Variants in LRMDA observed in about 807,000 individuals in gnomAD.
LRMDA encodes the protein leucine-rich melanocyte differentiation-associated protein.
LRMDA carries 18 observed loss-of-function variants against 29.8 expected under a neutral mutation model. That is an observed-to-expected ratio of 0.60 (90% CI 0.42 to 0.90). The LOEUF (loss-of-function observed/expected upper bound fraction) is 0.90. LRMDA is among the 40% of genes least tolerant of loss of function. The pLI is 0.00. For synonymous variants in LRMDA, 125 were observed against 109.4 expected (o/e 1.14, Z -0.89); for missense variants, 273 against 273.9 (o/e 1.00, Z 0.02).
chr10:75,501,340 A>G (rs1009284432), intron 2 of LRMDA, among the ~76,000 whole-genome samples: 2 of 152,220 alleles, frequency 1.3e-5, no homozygotes, highest in African/African-American at 4.8e-5. Flanking sequence ...ACTCTTATAA[A>G]ATGTGTTCCC....
chr10:75,876,966 C>T (rs1378136618), intron 2 of LRMDA, among the ~76,000 whole-genome samples: 1 of 152,164 alleles, frequency 6.6e-6, no homozygotes, highest in African/African-American at 2.4e-5. Context: ...TAACAAGTTC[C>T]TACAGAGCTG....
At chr10:76,315,593 C>T (rs1840683702) in intron 5 of LRMDA, among the ~76,000 whole-genome samples, 1 of 125,724 alleles carries the variant, frequency 8.0e-6, no homozygotes, top group South Asian at 2.3e-4. Flanking sequence ...AGACTTTGGG[C>T]GTCAGTGAGC....
At chr10:76,209,749 A>G (rs1898084) in intron 5 of LRMDA, among the ~76,000 whole-genome samples, 40,573 of 152,072 alleles carry the variant, frequency 0.27, 6,209 homozygotes, top group East Asian at 0.6. Flanking sequence ...TTGCTGATGT[A>G]TCACGTACAA....
At chr10:76,414,300 A>G (rs888267049) in intron 6 of LRMDA, among the ~76,000 whole-genome samples, 2 of 152,224 alleles carry the variant, frequency 1.3e-5, no homozygotes, top group African/African-American at 2.4e-5. Flanking sequence ...TACAAACTCT[A>G]TTAGGACTTA....
intron 2 of LRMDA, among the ~76,000 whole-genome samples, chr10:75,833,767 T>A (rs994362289): frequency 6.6e-6 from 1 of 152,110 alleles, no homozygotes; most frequent in Non-Finnish European, 1.5e-5. Flanking sequence ...ACCTGTAAAA[T>A]CAGAAGTAAG....
At chr10:76,254,640 T>C (rs986647338) in intron 5 of LRMDA, among the ~76,000 whole-genome samples, 17 of 152,150 alleles carry the variant, frequency 1.1e-4, no homozygotes, top group Admixed American at 4.6e-4. Context: ...TGCTACTTTT[T>C]GAATATGTTC....
chr10:76,457,945 A>G (rs1476417624), intron 6 of LRMDA, among the ~76,000 whole-genome samples: 2 of 152,242 alleles, frequency 1.3e-5, no homozygotes, highest in East Asian at 1.9e-4. Flanking sequence ...AATATTCTAG[A>G]CTTAATATGC....
intron 2 of LRMDA, among the ~76,000 whole-genome samples, chr10:75,937,777 C>T (rs1037921493): frequency 1.3e-5 from 2 of 152,186 alleles, no homozygotes; most frequent in Non-Finnish European, 2.9e-5. Flanking sequence ...TTCTAATCAG[C>T]TTTATCACTC....
intron 2 of LRMDA, among the ~76,000 whole-genome samples, chr10:75,811,178 A>G (rs1320165605): frequency 6.6e-6 from 1 of 152,226 alleles, no homozygotes; most frequent in East Asian, 1.9e-4. Context: ...TTCTTGAAAG[A>G]GGTCCCAAGG....
chr10:76,449,057 C>G (rs528782870), intron 6 of LRMDA, among the ~76,000 whole-genome samples: 33 of 151,780 alleles, frequency 2.2e-4, no homozygotes, highest in Admixed American at 1.7e-3. Flanking sequence ...CAGTTTTTTT[C>G]TTTCAAGAAC....
At chr10:76,008,160 C>T (rs193206941) in intron 2 of LRMDA, among the ~76,000 whole-genome samples, 5 of 152,186 alleles carry the variant, frequency 3.3e-5, no homozygotes, top group African/African-American at 1.2e-4. Flanking sequence ...GGGGTGTTTG[C>T]GTTGGGGTGG....
intron 6 of LRMDA, chr10:76,402,371 G>T (rs892995446): frequency 1.3e-5 from 2 of 152,002 alleles, no homozygotes; most frequent in South Asian, 2.1e-4. Context: ...TCTTTTTTTA[G>T]AATTAGGTTC....
At chr10:76,052,828 C>T (rs1848552338) in intron 4 of LRMDA, among the ~76,000 whole-genome samples, 1 of 152,024 alleles carries the variant, frequency 6.6e-6, no homozygotes, top group South Asian at 2.1e-4. Flanking sequence ...TGACTCTCAC[C>T]CCCACCCCTC....
At chr10:76,210,238 C>A (rs544159736) in intron 5 of LRMDA, among the ~76,000 whole-genome samples, 1 of 152,228 alleles carries the variant, frequency 6.6e-6, no homozygotes, top group Admixed American at 6.5e-5. Context: ...TTAATTATAC[C>A]ATGGTTTCAA....
intron 6 of LRMDA, among the ~76,000 whole-genome samples, chr10:76,451,793 G>C (rs949903663): frequency 1.3e-5 from 2 of 151,924 alleles, no homozygotes; most frequent in Non-Finnish European, 2.9e-5. Context: ...GAGTAGCTGG[G>C]ATTACAGGCA....
At chr10:76,100,708 T>A (rs1849382196) in intron 5 of LRMDA, among the ~76,000 whole-genome samples, 1 of 152,234 alleles carries the variant, frequency 6.6e-6, no homozygotes, top group Non-Finnish European at 1.5e-5. Context: ...TGACAGTGTA[T>A]GCTACCTCTT....
At chr10:76,423,635 G>T (rs1022611716) in intron 6 of LRMDA, among the ~76,000 whole-genome samples, 4 of 152,130 alleles carry the variant, frequency 2.6e-5, no homozygotes, top group African/African-American at 9.7e-5. Flanking sequence ...AATAAATTTT[G>T]TTATAAAGGG....
At chr10:75,632,014 C>A (rs1167895721) in intron 2 of LRMDA, among the ~76,000 whole-genome samples, 1 of 152,058 alleles carries the variant, frequency 6.6e-6, no homozygotes. Context: ...GGATCCTTTC[C>A]CTATTATTTT....
At chr10:76,007,615 T>TC (rs779730256) in intron 2 of LRMDA, among the ~76,000 whole-genome samples, 9 of 152,154 alleles carry the variant, frequency 5.9e-5, no homozygotes, top group Non-Finnish European at 1.3e-4. Context: ...AAGAAAGTTC[T>TC]CCCTTCTCCC....
Sources: allele counts gnomAD v4.1 joint callset (sites outside exome capture counted in the v4.1 genomes callset), GRCh38; gene constraint gnomAD v4.1.1; transcripts MANE v1.5; gene names NCBI Gene and HGNC (gene_info 2026-07-23, HGNC 2026-07-21).